MAP3K2: variants seen among roughly 807,000 people sequenced by gnomAD.
MAP3K2 encodes the protein mitogen-activated protein kinase kinase kinase 2, also known as MAP/ERK kinase kinase 2.
A neutral mutation model predicts 80.3 loss-of-function variants in MAP3K2; 24 were observed. The ratio of observed to expected loss-of-function variants is 0.30; its 90% CI spans 0.22 to 0.42. MAP3K2 has a LOEUF of 0.42. MAP3K2 is among the 10% of genes least tolerant of loss of function. The probability of loss-of-function intolerance (pLI) is 1.00; values close to 1 mark genes in which losing one functional copy is unlikely to be tolerated. For synonymous variants in MAP3K2, 244 were observed against 253.7 expected (o/e 0.96, Z 0.36); for missense variants, 608 against 750.1 (o/e 0.81, Z 2.21).
intron 3 of MAP3K2, 41 bp from the exon 4 acceptor site, chr2:127,337,819 G>C (rs1451361677): frequency 8.5e-7 from 1 of 1,174,272 alleles, no homozygotes; most frequent in Non-Finnish European, 1.2e-6. Context: ...AGATTAGACA[G>C]ATCATTCAGA....
intron 1 of MAP3K2, among the ~76,000 whole-genome samples, chr2:127,386,873 C>G (rs898975000): frequency 6.6e-6 from 1 of 152,118 alleles, no homozygotes; most frequent in African/African-American, 2.4e-5. Flanking sequence ...TCGAACCAAG[C>G]CTTCCTGGAT....
At chr2:127,311,705 T>C (rs1387884535) in intron 15 of MAP3K2, among the ~76,000 whole-genome samples, 1 of 151,876 alleles carries the variant, frequency 6.6e-6, no homozygotes, top group African/African-American at 2.4e-5. Flanking sequence ...TCAGTACATA[T>C]CTTTCAAAGA....
Position 127,302,491 on chromosome 2 carries a change from A to T in MAP3K2, c.*5088T>A, listed in dbSNP as rs1685616342. ...CATGCAAACGCACACATACATGCACACATGCACACACTTCACAGAAAAGTA... is the reference window on the plus strand; with the variant it reads ...CATGCAAACGCACACATACATGCACTCATGCACACACTTCACAGAAAAGTA... On this transcript the variant is annotated 3_prime_UTR_variant, in exon 17 of 17. Transcript: ENST00000682094. 1 of 152,042 alleles carries T rather than the reference A, an allele frequency of 6.6e-6. No individual in the cohort carries two copies. Among genetic ancestry groups the T allele is most frequent in the African/African-American group, 2.4e-5 (1 of 41,404 alleles). The allele number at this position is 152,042 out of a possible 1,614,324, so 9.4% of individuals were successfully genotyped here.
At position 127,364,317 on chromosome 2, in the gene MAP3K2, G is replaced by A. The variant is rs951076976; in HGVS notation, c.-65-21123C>T. Among the ~76,000 whole-genome samples, 1 of 152,176 alleles carries A rather than the reference G, an allele frequency of 6.6e-6. No individual in the cohort carries two copies. Reference sequence around the variant, plus strand: ...AAAAAGCAAAGAGTAGGAGTCAATAGGTTCTGAGTTATACTACGAAGTGTT... The same window carrying A: ...AAAAAGCAAAGAGTAGGAGTCAATAAGTTCTGAGTTATACTACGAAGTGTT... On this transcript the variant is annotated intron_variant, in intron 1 of 16. Transcript: ENST00000682094. This position sits in a 1 kb window ranked among gnomAD's most constrained non-coding sequence, Gnocchi z 4.1.
intron 1 of MAP3K2, among the ~76,000 whole-genome samples, chr2:127,371,107 G>A (rs141999340): frequency 3.3e-5 from 5 of 152,300 alleles, no homozygotes; most frequent in African/African-American, 7.2e-5. Flanking sequence ...AAACAGAGCC[G>A]CTAGCCCATT....
intron 1 of MAP3K2, among the ~76,000 whole-genome samples, chr2:127,380,475 T>G (rs1388159002): frequency 1.3e-5 from 2 of 152,230 alleles, no homozygotes; most frequent in Non-Finnish European, 2.9e-5. Flanking sequence ...CTTTTTAAAT[T>G]TATGGTACTA....
At chr2:127,357,371 C>T (rs1213716738) in intron 1 of MAP3K2, among the ~76,000 whole-genome samples, 1 of 152,146 alleles carries the variant, frequency 6.6e-6, no homozygotes. Context: ...TTCCTGTAGT[C>T]CCAACTACTA....
Position 127,343,171 on chromosome 2 carries a change from T to C in MAP3K2, c.-42A>G. 2 of 1,529,898 alleles carry C rather than the reference T, an allele frequency of 1.3e-6. No individual in the cohort carries two copies. Among genetic ancestry groups the C allele is most frequent in the Non-Finnish European group, 1.8e-6 (2 of 1,127,240 alleles). 94.8% of individuals were successfully genotyped at this position (1,529,898 alleles called of 1,614,324 possible). ...ACAATTTGAAAATTAGGAAAATGGT[T>C]CTCCCATCAGCATTCTTTATGGCCT... is the stretch of plus-strand genomic sequence containing the variant. On this transcript the variant is annotated 5_prime_UTR_variant, in exon 2 of 17. Transcript: ENST00000682094.
chr2:127,387,736 C>G lies in MAP3K2; in HGVS notation c.-350G>C. On this transcript the variant is annotated 5_prime_UTR_variant, in exon 1 of 17. Coordinates refer to ENST00000682094, the MANE Select transcript of MAP3K2 (RefSeq NM_001371910.2). Reference sequence around the variant, plus strand: ...CTCGGCACTTCTAGCCGCTGCAACCCCGAGGCCCGCGGGAACTGGGCAGGA... The same window carrying G: ...CTCGGCACTTCTAGCCGCTGCAACCGCGAGGCCCGCGGGAACTGGGCAGGA... 1 of 985,160 alleles carries G rather than the reference C, an allele frequency of 1.0e-6. No homozygotes were observed. The highest frequency in any genetic ancestry group is 1.2e-6 in the Non-Finnish European group (1 of 829,806). The allele number at this position is 985,160 out of a possible 1,614,324, so 61.0% of individuals were successfully genotyped here.
intron 4 of MAP3K2, among the ~76,000 whole-genome samples, chr2:127,336,550 A>G (rs1686377088): frequency 6.6e-6 from 1 of 152,204 alleles, no homozygotes; most frequent in Non-Finnish European, 1.5e-5. Context: ...ATACCACACT[A>G]TAAGCCCCAT....
chr2:127,313,222 C>A (rs545023573), intron 15 of MAP3K2, among the ~76,000 whole-genome samples: 1 of 152,188 alleles, frequency 6.6e-6, no homozygotes, highest in Non-Finnish European at 1.5e-5. Flanking sequence ...AAGATCCACT[C>A]GGCGGGTAGC....
intron 1 of MAP3K2, among the ~76,000 whole-genome samples, chr2:127,359,152 A>G (rs1322477968): frequency 6.6e-6 from 1 of 152,188 alleles, no homozygotes; most frequent in Non-Finnish European, 1.5e-5. Flanking sequence ...TGTATCTGTC[A>G]AAACCCCCAG....
intron 3 of MAP3K2, among the ~76,000 whole-genome samples, chr2:127,338,712 T>C (rs1208925150): frequency 1.3e-5 from 2 of 152,200 alleles, no homozygotes; most frequent in Non-Finnish European, 2.9e-5. Context: ...ATGTACCACA[T>C]TTTCTTTATC....
At chr2:127,334,075 G>C (rs1573989462) in intron 5 of MAP3K2, among the ~76,000 whole-genome samples, 2 of 152,064 alleles carry the variant, frequency 1.3e-5, no homozygotes, top group Non-Finnish European at 2.9e-5. Flanking sequence ...ATTCCAACCT[G>C]GGTGACAGAG....
intron 5 of MAP3K2, among the ~76,000 whole-genome samples, chr2:127,333,873 T>C (rs1399255951): frequency 2.6e-5 from 4 of 151,776 alleles, no homozygotes; most frequent in Non-Finnish European, 5.9e-5. Flanking sequence ...CCAAGGCAGG[T>C]GGATCATCTG....
At chr2:127,348,655 T>C (rs937210415) in intron 1 of MAP3K2, among the ~76,000 whole-genome samples, 3 of 151,976 alleles carry the variant, frequency 2.0e-5, no homozygotes, top group African/African-American at 7.3e-5. Context: ...TGTTCTGGAG[T>C]GAGGCAGTGG....
chr2:127,311,424 A>G (rs1280191603), intron 15 of MAP3K2, among the ~76,000 whole-genome samples: 2 of 152,214 alleles, frequency 1.3e-5, no homozygotes, highest in African/African-American at 4.8e-5. Flanking sequence ...CGGAATCACC[A>G]ATATTGAACC....
chr2:127,329,918 T>A lies in MAP3K2; in HGVS notation c.466+3A>T, dbSNP rs1402803154. The A allele has an allele frequency of 6.5e-7, 1 of 1,531,176 alleles. No individual in the cohort carries two copies. The highest frequency in any genetic ancestry group is 2.3e-5 in the East Asian group (1 of 44,364). 94.8% of individuals were successfully genotyped at this position (1,531,176 alleles called of 1,614,324 possible). ...TTTCATAATTCAGACACTAGTTTCT[T>A]ACCTATTATAGATAGCCGTTTTTTC... On this transcript the variant is annotated splice_donor_region_variant and intron_variant, in intron 7 of 16. Coordinates refer to ENST00000682094, the MANE Select transcript of MAP3K2 (RefSeq NM_001371910.2).
In MAP3K2 at chr2:127,329,917, T is replaced by C. The variant is rs1327744436; in HGVS notation, c.466+4A>G. On this transcript the variant is annotated splice_donor_region_variant and intron_variant, in intron 7 of 16. Coordinates refer to ENST00000682094, the MANE Select transcript of MAP3K2 (RefSeq NM_001371910.2). ...ATTTCATAATTCAGACACTAGTTTC[T>C]TACCTATTATAGATAGCCGTTTTTT... The C allele has an allele frequency of 3.3e-6, 5 of 1,524,840 alleles. No homozygotes were observed. The East Asian group carries it at 1.1e-4, about 34-fold the overall frequency. 94.5% of individuals were successfully genotyped at this position (1,524,840 alleles called of 1,614,324 possible).
Sources: allele counts gnomAD v4.1 joint callset (sites outside exome capture counted in the v4.1 genomes callset), GRCh38; gene constraint gnomAD v4.1.1; non-coding constraint Gnocchi (gnomAD v3.1); transcripts MANE v1.5; gene names NCBI Gene and HGNC (gene_info 2026-07-23, HGNC 2026-07-21).